The following PRKD1 variants were observed in gnomAD, a reference collection of about 807,000 sequenced individuals.
PRKD1 encodes serine/threonine-protein kinase D1.
In PRKD1, 63 loss-of-function variants were observed where a neutral mutation model predicts 95.9. The observed-to-expected ratio is 0.66, with a 90% CI of 0.54 to 0.81. PRKD1 has a LOEUF of 0.81. Among genes scored for constraint, PRKD1 ranks in the 30% least tolerant of loss-of-function variants. The pLI is 0.00. For missense variants in PRKD1, 1,048 were observed against 1,165.3 expected (o/e 0.90, Z 1.47); for synonymous variants, 425 against 423.1 (o/e 1.00, Z -0.05).
At chr14:29,657,400 A>G (rs528464951) in intron 4 of PRKD1, 1 of 152,224 alleles carries the variant, frequency 6.6e-6, no homozygotes, top group Non-Finnish European at 1.5e-5. Context: ...TTGAAATGTG[A>G]TTTTTTTGCA....
intron 1 of PRKD1, among the ~76,000 whole-genome samples, chr14:29,790,290 TG>T (rs1718776585): frequency 6.6e-6 from 1 of 151,862 alleles, no homozygotes; most frequent in Admixed American, 6.6e-5. Context: ...TAAGTGTTTA[TG>T]GGATTACAAG....
rs1892577071 is a variant in PRKD1, at chr14:29,577,020, T to C, written c.*218A>G. On this transcript the variant is annotated 3_prime_UTR_variant, in exon 18 of 18. Transcript: ENST00000331968. ...CATTCACAATAACAAGTTTCGTGTT[T>C]CAGGGAACTTTTGTTAATACAACAC... is the stretch of plus-strand genomic sequence containing the variant. The C allele has an allele frequency of 3.4e-6, 2 of 582,882 alleles. No individual in the cohort carries two copies. Among genetic ancestry groups the C allele is most frequent in the Non-Finnish European group, 3.0e-6 (1 of 328,450 alleles). The allele number at this position is 582,882 out of a possible 1,614,324, so 36.1% of individuals were successfully genotyped here.
chr14:29,762,901 G>A (rs1329377783), intron 1 of PRKD1, among the ~76,000 whole-genome samples: 2 of 151,942 alleles, frequency 1.3e-5, no homozygotes, highest in African/African-American at 4.8e-5. Context: ...ATGCCACCAC[G>A]CCCAGATAAT....
chr14:29,705,762 AT>A (rs1372760906), intron 2 of PRKD1, among the ~76,000 whole-genome samples: 1 of 152,026 alleles, frequency 6.6e-6, no homozygotes, highest in Non-Finnish European at 1.5e-5. Context: ...TTTTGTCATA[AT>A]GTTTTGCAGG....
intron 13 of PRKD1, among the ~76,000 whole-genome samples, chr14:29,608,015 A>G (rs1343106065): frequency 6.6e-6 from 1 of 152,114 alleles, no homozygotes; most frequent in African/African-American, 2.4e-5. Context: ...AACAACTGTA[A>G]TAAGATTTAT....
intron 1 of PRKD1, among the ~76,000 whole-genome samples, chr14:29,754,735 G>C (rs1160344436): frequency 6.6e-6 from 1 of 151,684 alleles, no homozygotes. Flanking sequence ...ACTATGACTT[G>C]GTATTACATC....
chr14:29,691,506 C>A (rs1884230123), intron 2 of PRKD1, among the ~76,000 whole-genome samples: 1 of 152,158 alleles, frequency 6.6e-6, no homozygotes. Context: ...ATGTGGTCCA[C>A]AGTGACCTCA....
At chr14:29,625,116 T>G (rs2139093464) in intron 12 of PRKD1, among the ~76,000 whole-genome samples, 1 of 152,310 alleles carries the variant, frequency 6.6e-6, no homozygotes, top group East Asian at 1.9e-4. Context: ...TTCACTCACC[T>G]TATATCCCAC....
chr14:29,775,456 C>T lies in PRKD1; in HGVS notation c.265-49782G>A, dbSNP rs529484892. 1.5e-3 allele frequency among the ~76,000 whole-genome samples: 228 copies of T among 152,302 alleles called. 2 individuals carry two copies. Among genetic ancestry groups the T allele is most frequent in the African/African-American group, 5.2e-3 (215 of 41,586 alleles). On this transcript the variant is annotated intron_variant, in intron 1 of 17. Transcript: ENST00000331968. ...TCGGGTCACTCCCACCCTAATGCTG[C>T]GCTTTTCCAGTGGTCTTAGCAAAAG...
At chr14:29,678,746 T>C (rs1040099634) in intron 2 of PRKD1, among the ~76,000 whole-genome samples, 1 of 152,236 alleles carries the variant, frequency 6.6e-6, no homozygotes, top group Admixed American at 6.5e-5. Context: ...AATACTTAAC[T>C]AAATTTAATT....
intron 6 of PRKD1, among the ~76,000 whole-genome samples, chr14:29,637,971 T>C (rs1307878884): frequency 1.3e-5 from 2 of 152,236 alleles, no homozygotes; most frequent in African/African-American, 4.8e-5. Flanking sequence ...GAAGAAAATG[T>C]AAGCTCTTTG....
intron 16 of PRKD1, among the ~76,000 whole-genome samples, chr14:29,592,004 G>T (rs1893145869): frequency 6.6e-6 from 1 of 152,252 alleles, no homozygotes; most frequent in African/African-American, 2.4e-5. Context: ...ATACTGAGCT[G>T]CCCTTCCATA....
At chr14:29,648,317 G>T (rs1881267354) in intron 4 of PRKD1, among the ~76,000 whole-genome samples, 1 of 149,292 alleles carries the variant, frequency 6.7e-6, no homozygotes, top group Non-Finnish European at 1.5e-5. Context: ...TTTTTGAGTG[G>T]CTACACATTT....
intron 2 of PRKD1, among the ~76,000 whole-genome samples, chr14:29,701,430 C>A (rs959563054): frequency 1.3e-5 from 2 of 152,104 alleles, no homozygotes; most frequent in Non-Finnish European, 2.9e-5. Flanking sequence ...TTAAAGGCTG[C>A]AAAAGCATGA....
In PRKD1 at chr14:29,909,912, C is replaced by T. The variant is rs1594620999; in HGVS notation, c.264+17337G>A. Among the ~76,000 whole-genome samples, 8 of 152,226 alleles carry T rather than the reference C, an allele frequency of 5.3e-5. 2 individuals are homozygous for T. The highest frequency in any genetic ancestry group is 5.2e-4 in the Admixed American group (8 of 15,302). ...ACTGGGAGAACTTTTGTGTCCAGCT[C>T]AGGGATTGTAAATGCACCAATCAGC... On this transcript the variant is annotated intron_variant, in intron 1 of 17. Coordinates refer to ENST00000331968, the MANE Select transcript of PRKD1 (RefSeq NM_002742.3).
At chr14:29,896,418 T>C (rs1170413595) in intron 1 of PRKD1, among the ~76,000 whole-genome samples, 1 of 152,074 alleles carries the variant, frequency 6.6e-6, no homozygotes, top group Non-Finnish European at 1.5e-5. Flanking sequence ...AATGAAGGTT[T>C]ATTTTTCCTT....
intron 1 of PRKD1, among the ~76,000 whole-genome samples, chr14:29,860,227 C>A (rs766391128): frequency 6.6e-6 from 1 of 152,194 alleles, no homozygotes; most frequent in Non-Finnish European, 1.5e-5. Flanking sequence ...AAAACAGGCA[C>A]CTTGTTTTTT....
chr14:29,777,383 T>C (rs1417084923), intron 1 of PRKD1, among the ~76,000 whole-genome samples: 3 of 152,172 alleles, frequency 2.0e-5, no homozygotes, highest in Non-Finnish European at 4.4e-5. Context: ...ATCAGTGTGC[T>C]GTATTCAGGA....
At chr14:29,732,952 T>G (rs935352594) in intron 1 of PRKD1, among the ~76,000 whole-genome samples, 2 of 151,108 alleles carry the variant, frequency 1.3e-5, no homozygotes, top group African/African-American at 4.8e-5. Context: ...TGAGGTTCAC[T>G]GTGCTTTGAA....
Sources: allele counts gnomAD v4.1 joint callset (sites outside exome capture counted in the v4.1 genomes callset), GRCh38; gene constraint gnomAD v4.1.1; transcripts MANE v1.5; gene names NCBI Gene and HGNC (gene_info 2026-07-23, HGNC 2026-07-21).